FAIM2: variants seen among roughly 807,000 people sequenced by gnomAD.
FAIM2 encodes protein lifeguard 2.
FAIM2 carries 27 observed loss-of-function variants against 47.4 expected under a neutral mutation model. The observed-to-expected ratio is 0.57, with a 90% CI of 0.42 to 0.78. The LOEUF is 0.78. Among genes scored for constraint, FAIM2 ranks in the 30% least tolerant of loss-of-function variants. FAIM2 has a pLI of 0.00. For synonymous variants in FAIM2, 156 were observed against 159.3 expected, an observed-to-expected ratio of 0.98 and a Z score of 0.16; for missense variants, 311 against 389.4, an observed-to-expected ratio of 0.80 and a Z score of 1.69.
At chr12:49,896,339 T>C (rs1278462798) in intron 5 of FAIM2, among the ~76,000 whole-genome samples, 2 of 152,124 alleles carry the variant, frequency 1.3e-5, no homozygotes, top group Non-Finnish European at 2.9e-5. Flanking sequence ...CTCTCCCAAG[T>C]TACTGGCCGG....
intron 11 of FAIM2, among the ~76,000 whole-genome samples, chr12:49,880,688 G>C (rs2137089993): frequency 6.6e-6 from 1 of 151,742 alleles, no homozygotes; most frequent in East Asian, 1.9e-4. Context: ...ATGTGCATGT[G>C]TATGCATGTG....
At position 49,903,799 on chromosome 12, in the gene FAIM2, G is replaced by T. The variant is rs1946997615; in HGVS notation, c.-7C>A. On this transcript the variant is annotated 5_prime_UTR_variant, in exon 1 of 12. Coordinates refer to ENST00000320634, the MANE Select transcript of FAIM2 (RefSeq NM_012306.4). ...GTACCTTTCCCTGGGTCATGGTGCC[G>T]TCTCTCGGGGAAGGGGTCCCTGAGG... The T allele has an allele frequency of 6.5e-7, 1 of 1,543,658 alleles. No homozygotes were observed. Among genetic ancestry groups the T allele is most frequent in the Non-Finnish European group, 8.7e-7 (1 of 1,143,504 alleles).
intron 11 of FAIM2, among the ~76,000 whole-genome samples, chr12:49,881,084 C>G (rs1476283524): frequency 6.6e-6 from 1 of 152,162 alleles, no homozygotes; most frequent in Non-Finnish European, 1.5e-5. Context: ...GGAGGTCCAG[C>G]ATCCCTACTG....
intron 3 of FAIM2, among the ~76,000 whole-genome samples, 188 bp from the exon 4 acceptor site, chr12:49,897,771 C>CA (rs1555160259): frequency 4.6e-5 from 7 of 152,046 alleles, no homozygotes; most frequent in African/African-American, 1.5e-4. Flanking sequence ...CGCACCCCCC[C>CA]CCAGCATTGG....
intron 11 of FAIM2, among the ~76,000 whole-genome samples, chr12:49,877,574 C>G (rs1365380871): frequency 6.6e-6 from 1 of 152,308 alleles, no homozygotes; most frequent in Non-Finnish European, 1.5e-5. Flanking sequence ...AAGTGTTTTT[C>G]TAATTGTGAG....
intron 11 of FAIM2, among the ~76,000 whole-genome samples, chr12:49,882,612 T>A (rs1407740782): frequency 6.6e-6 from 1 of 151,904 alleles, no homozygotes; most frequent in East Asian, 1.9e-4. Context: ...GTTGATCTCC[T>A]AATGAGATAA....
At chr12:49,883,655 G>T (rs1026657913) in intron 11 of FAIM2, among the ~76,000 whole-genome samples, 1 of 152,098 alleles carries the variant, frequency 6.6e-6, no homozygotes, top group African/African-American at 2.4e-5. Context: ...ATAAAATATC[G>T]CATTCAAAGC....
rs982394388 is a variant in FAIM2 at position 49,870,346 on chromosome 12, C to T, written c.*158G>A. 6 of 662,166 alleles carry T rather than the reference C, an allele frequency of 9.1e-6. No individual in the cohort carries two copies. Among genetic ancestry groups the T allele is most frequent in the Non-Finnish European group, 1.6e-5 (6 of 385,266 alleles). The allele number at this position is 662,166 out of a possible 1,614,324, so 41.0% of individuals were successfully genotyped here. ...CCTCAGGGTCCCCATGGCGTATGTA[C>T]AAGCGGCAGAGGGCTGGGCTGGGCT... is the stretch of plus-strand genomic sequence containing the variant. On this transcript the variant is annotated 3_prime_UTR_variant, in exon 12 of 12. Transcript: ENST00000320634.
At position 49,898,101 on chromosome 12, in the gene FAIM2, C is replaced by A. The variant is rs371276781; in HGVS notation, c.212-11G>T. The A allele has an allele frequency of 6.2e-7, 1 of 1,605,446 alleles. No individual in the cohort carries two copies. The highest frequency in any genetic ancestry group is 1.3e-5 in the African/African-American group (1 of 74,754). ...AGCTGGAGCTGCTGCCTGTGTGGCA[C>A]GTGGAGGAGGAGGACATGAGGGTTC... is the stretch of plus-strand genomic sequence containing the variant. On this transcript the variant is annotated splice_polypyrimidine_tract_variant and intron_variant, in intron 2 of 11. Coordinates refer to ENST00000320634, the MANE Select transcript of FAIM2 (RefSeq NM_012306.4).
chr12:49,890,799 G>A, intron 6 of FAIM2, 77 bp from the exon 7 acceptor site: 1 of 1,330,440 alleles, frequency 7.5e-7, no homozygotes, highest in Non-Finnish European at 1.1e-6. Flanking sequence ...CTGTTGCAGG[G>A]AGGGGGTCTC....
At chr12:49,887,085 G>A (rs576147555) in intron 11 of FAIM2, among the ~76,000 whole-genome samples, 40 of 152,050 alleles carry the variant, frequency 2.6e-4, no homozygotes, top group Non-Finnish European at 4.3e-4. Context: ...TCTCGCCCCC[G>A]CAAGCACCGC....
At chr12:49,892,345 AACCAAC>A (rs536163015) in intron 5 of FAIM2, among the ~76,000 whole-genome samples, 93 of 152,138 alleles carry the variant, frequency 6.1e-4, no homozygotes, top group African/African-American at 2.2e-3. Flanking sequence ...TTCCGTCTTT[AACCAAC>A]ACCTTCCCTG....
intron 1 of FAIM2, chr12:49,901,812 C>T (rs1200387121): frequency 6.6e-6 from 1 of 152,430 alleles, no homozygotes; most frequent in Non-Finnish European, 1.5e-5. Context: ...AGAGGCAGGG[C>T]CTAGGCATCA....
intron 11 of FAIM2, among the ~76,000 whole-genome samples, chr12:49,882,296 G>C (rs902411629): frequency 6.6e-6 from 1 of 152,198 alleles, no homozygotes; most frequent in Non-Finnish European, 1.5e-5. Context: ...GCTGGAGCTA[G>C]GGGACCACAG....
At chr12:49,897,158 C>G in intron 4 of FAIM2, 74 bp from the exon 5 acceptor site, 1 of 1,207,718 alleles carries the variant, frequency 8.3e-7, no homozygotes, top group Non-Finnish European at 1.2e-6. Flanking sequence ...GCATCTGCAT[C>G]TGTCCCACAC....
At chr12:49,881,175 G>GC (rs1946823492) in intron 11 of FAIM2, among the ~76,000 whole-genome samples, 1 of 151,966 alleles carries the variant, frequency 6.6e-6, no homozygotes, top group South Asian at 2.1e-4. Context: ...CAGTCTCCCT[G>GC]CCCCCACCCA....
At chr12:49,886,545 G>A (rs1008342232) in intron 11 of FAIM2, among the ~76,000 whole-genome samples, 79 of 152,058 alleles carry the variant, frequency 5.2e-4, no homozygotes, top group African/African-American at 1.8e-3. Context: ...GCGCGATCTC[G>A]GCTCACTGCA....
At chr12:49,880,446 A>G (rs371770004) in intron 11 of FAIM2, among the ~76,000 whole-genome samples, 76 of 69,762 alleles carry the variant, frequency 1.1e-3, no homozygotes, top group African/African-American at 5.1e-3. Flanking sequence ...ATGTTTGTGT[A>G]TGTGCATGTG....
chr12:49,882,149 T>A (rs1004405919), intron 11 of FAIM2, among the ~76,000 whole-genome samples: 1 of 152,218 alleles, frequency 6.6e-6, no homozygotes, highest in Admixed American at 6.5e-5. Flanking sequence ...GCATGCAGTG[T>A]GCTGTGTCCA....
Sources: gnomAD v4.1 joint callset for allele counts (sites outside exome capture counted in the v4.1 genomes callset) on GRCh38, gnomAD v4.1.1 for gene constraint, MANE v1.5 for transcripts, NCBI Gene and HGNC (gene_info 2026-07-23, HGNC 2026-07-21) for gene names.